The following KIAA0232 variants were observed in gnomAD, a reference collection of about 807,000 sequenced individuals.
The protein encoded by KIAA0232 is uncharacterized protein KIAA0232.
Under a neutral mutation model 122.0 loss-of-function variants are expected in KIAA0232, and 27 were observed. That is an observed-to-expected ratio of 0.22 (90% CI 0.16 to 0.31). KIAA0232 has a LOEUF of 0.31. Among genes scored for constraint, KIAA0232 ranks in the 10% least tolerant of loss-of-function variants. The pLI is 1.00. For missense variants in KIAA0232, 1,551 were observed against 1,634.2 expected (o/e 0.95, Z 0.88); for synonymous variants, 613 against 587.6 (o/e 1.04, Z -0.63).
intron 8 of KIAA0232, among the ~76,000 whole-genome samples, chr4:6,872,798 C>G (rs1267050269): frequency 1.3e-5 from 2 of 152,248 alleles, no homozygotes; most frequent in Non-Finnish European, 2.9e-5. Context: ...CGATGCCCTG[C>G]ACACGCCTGT....
intron 1 of KIAA0232, among the ~76,000 whole-genome samples, chr4:6,796,371 C>T (rs1404434642): frequency 6.6e-6 from 1 of 152,052 alleles, no homozygotes; most frequent in Non-Finnish European, 1.5e-5. Context: ...CCTCCCAAGT[C>T]ACTGGGACTA....
chr4:6,839,693 C>G (rs1470337663), intron 3 of KIAA0232, among the ~76,000 whole-genome samples: 1 of 151,998 alleles, frequency 6.6e-6, no homozygotes, highest in Non-Finnish European at 1.5e-5. Context: ...TGGGGCAGGC[C>G]CGCAGGAAAC....
At chr4:6,860,101 A>G (rs1720775812) in intron 6 of KIAA0232, among the ~76,000 whole-genome samples, 1 of 152,188 alleles carries the variant, frequency 6.6e-6, no homozygotes, top group Admixed American at 6.5e-5. Context: ...CCTCACCGAC[A>G]TCCTCTTTCT....
At chr4:6,819,600 A>G (rs1369222276) in intron 2 of KIAA0232, among the ~76,000 whole-genome samples, 2 of 152,212 alleles carry the variant, frequency 1.3e-5, no homozygotes, top group Non-Finnish European at 2.9e-5. Context: ...AAGTTAAAAA[A>G]CAGATGCTAA....
Position 6,881,505 on chromosome 4 carries a change from G to A in KIAA0232, c.*539G>A, listed in dbSNP as rs2108866687. 1 of 152,784 alleles carries A rather than the reference G, an allele frequency of 6.5e-6. No homozygotes were observed. The highest frequency in any genetic ancestry group is 2.1e-4 in the South Asian group (1 of 4,832). The allele number at this position is 152,784 out of a possible 1,614,324, so 9.5% of individuals were successfully genotyped here. On this transcript the variant is annotated 3_prime_UTR_variant, in exon 10 of 10. Coordinates refer to ENST00000307659, the MANE Select transcript of KIAA0232 (RefSeq NM_014743.3). ...CAGCAAAATCTCATGTACATTTCCA[G>A]TAGGAACCGCAGAGGTGTGCTTTTC... is the stretch of plus-strand genomic sequence containing the variant.
rs188708507 is a variant in KIAA0232, at chr4:6,861,006, A to G, written c.624A>G (p.Ser208=). The change falls in exon 7 of 10, where the codon TCA becomes TCG. Residue 208 remains serine, a synonymous_variant. Coordinates refer to ENST00000307659, the MANE Select transcript of KIAA0232 (RefSeq NM_014743.3). ...TCTGTTCTTACTCTAGCTCTTCTTC[A>G]TCATCCACAGCCCCACCAGCTAGCA... is the stretch of plus-strand genomic sequence containing the variant. ...SKVCSYSSSS[S]SSTAPPASTD... The G allele has an allele frequency of 3.7e-5, 59 of 1,614,058 alleles. No homozygotes were observed. Among genetic ancestry groups the G allele is most frequent in the Non-Finnish European group, 4.8e-5 (57 of 1,180,014 alleles).
At chr4:6,812,263 T>G (rs916280774) in intron 2 of KIAA0232, among the ~76,000 whole-genome samples, 50 of 152,142 alleles carry the variant, frequency 3.3e-4, no homozygotes, top group Non-Finnish European at 8.8e-5. Flanking sequence ...CTTTTGTGAT[T>G]ATGGAAATGT....
chr4:6,786,090 T>A (rs1342946934), intron 1 of KIAA0232, among the ~76,000 whole-genome samples: 1 of 152,212 alleles, frequency 6.6e-6, no homozygotes, highest in African/African-American at 2.4e-5. Context: ...GTATTATAAA[T>A]TGGTCATAGT....
intron 2 of KIAA0232, among the ~76,000 whole-genome samples, chr4:6,807,074 C>G (rs1425811704): frequency 7.1e-6 from 1 of 141,526 alleles, no homozygotes; most frequent in Non-Finnish European, 1.6e-5. Flanking sequence ...ATCTATCTAT[C>G]TATCTATTTA....
chr4:6,801,833 G>A (rs874893), intron 1 of KIAA0232, among the ~76,000 whole-genome samples: 25,396 of 152,140 alleles, frequency 0.17, 2,468 homozygotes, highest in East Asian at 0.36. Flanking sequence ...CAGGGCCTGC[G>A]AGGATGATCA....
Position 6,824,407 on chromosome 4 carries a change from A to G in KIAA0232, c.-47A>G, listed in dbSNP as rs777768463. ...CCCTCCAGATACCAACAGAATATCA[A>G]CTGCAGAAAATGCTTCACATTTTAA... On this transcript the variant is annotated 5_prime_UTR_variant, in exon 3 of 10. Coordinates refer to ENST00000307659, the MANE Select transcript of KIAA0232 (RefSeq NM_014743.3). The G allele has an allele frequency of 1.4e-6, 2 of 1,445,038 alleles. No homozygotes were observed. The highest frequency in any genetic ancestry group is 2.8e-5 in the African/African-American group (2 of 71,568). The allele number at this position is 1,445,038 out of a possible 1,614,324, so 89.5% of individuals were successfully genotyped here. A position where few individuals can be genotyped will look rare whatever the true frequency, so the allele number is the denominator to read the frequency against.
At chr4:6,796,108 G>GT (rs1266207101) in intron 1 of KIAA0232, among the ~76,000 whole-genome samples, 1 of 152,140 alleles carries the variant, frequency 6.6e-6, no homozygotes, top group African/African-American at 2.4e-5. Flanking sequence ...AATTTGATTA[G>GT]AACTTGAGTA....
chr4:6,880,009 G>GCC (rs1560216066), intron 9 of KIAA0232, among the ~76,000 whole-genome samples: 8 of 59,826 alleles, frequency 1.3e-4, no homozygotes, highest in East Asian at 6.1e-4. Flanking sequence ...GGTCTGTAGT[G>GCC]TCGCCTCACC....
chr4:6,851,175 T>A (rs530724341), intron 4 of KIAA0232, among the ~76,000 whole-genome samples: 31 of 152,326 alleles, frequency 2.0e-4, no homozygotes, highest in South Asian at 4.1e-4. Flanking sequence ...TACATGCCCA[T>A]TAGTGGCCTC....
intron 1 of KIAA0232, among the ~76,000 whole-genome samples, chr4:6,796,093 A>G (rs1251263194): frequency 1.3e-5 from 2 of 152,216 alleles, no homozygotes; most frequent in South Asian, 4.1e-4. Context: ...AGTGAGCTGC[A>G]CTAAAATTTG....
intron 2 of KIAA0232, among the ~76,000 whole-genome samples, chr4:6,818,842 G>T (rs2109009795): frequency 6.6e-6 from 1 of 152,272 alleles, no homozygotes; most frequent in Admixed American, 6.5e-5. Flanking sequence ...TAAGGCTACA[G>T]TAACCAAAAC....
chr4:6,790,915 C>CTTTTTTTTTTT (rs35766310), intron 1 of KIAA0232, among the ~76,000 whole-genome samples: 2 of 92,938 alleles, frequency 2.2e-5, no homozygotes, highest in African/African-American at 4.7e-5. Flanking sequence ...TTTTTATATA[C>CTTTTTTTTTTT]TTTTTTTTTT....
intron 2 of KIAA0232, among the ~76,000 whole-genome samples, chr4:6,822,900 G>A (rs949978608): frequency 4.6e-4 from 67 of 147,100 alleles, no homozygotes; most frequent in African/African-American, 1.7e-3. Flanking sequence ...CTAGCATTAG[G>A]TATATCTCCC....
At chr4:6,839,794 C>G (rs919181319) in intron 3 of KIAA0232, among the ~76,000 whole-genome samples, 1 of 152,088 alleles carries the variant, frequency 6.6e-6, no homozygotes, top group South Asian at 2.1e-4. Context: ...GCCAGCAGGA[C>G]TTAATGGCAT....
Sources: allele counts gnomAD v4.1 joint callset (sites outside exome capture counted in the v4.1 genomes callset), GRCh38; gene constraint gnomAD v4.1.1; transcripts MANE v1.5; gene names NCBI Gene and HGNC (gene_info 2026-07-23, HGNC 2026-07-21).